ZNF516: variants seen among roughly 807,000 people sequenced by gnomAD.
ZNF516 encodes zinc finger protein 516.
ZNF516 carries 19 observed loss-of-function variants against 79.7 expected under a neutral mutation model. The observed-to-expected ratio is 0.24, with a 90% CI of 0.17 to 0.35. The LOEUF is 0.35. Among genes scored for constraint, ZNF516 ranks in the 10% least tolerant of loss-of-function variants. The pLI, the probability that ZNF516 is intolerant of heterozygous loss-of-function variation, is 1.00. For missense variants in ZNF516, 1,678 were observed against 1,679.5 expected, an observed-to-expected ratio of 1.00 and a Z score of 0.02; for synonymous variants, 877 against 739.5, an observed-to-expected ratio of 1.19 and a Z score of -3.02.
intron 6 of ZNF516, among the ~76,000 whole-genome samples, chr18:76,368,639 A>G (rs2074656068): frequency 6.6e-6 from 1 of 152,160 alleles, no homozygotes. Flanking sequence ...GATAGTTGGT[A>G]TGAAGTATAA....
intron 1 of ZNF516, chr18:76,488,156 A>G: frequency 1.0e-6 from 1 of 985,386 alleles, no homozygotes; most frequent in Non-Finnish European, 1.2e-6. Flanking sequence ...CAACGGATGC[A>G]CAGCCTGACA....
chr18:76,413,435 A>G (rs2075395918), intron 3 of ZNF516, among the ~76,000 whole-genome samples: 1 of 152,124 alleles, frequency 6.6e-6, no homozygotes, highest in Non-Finnish European at 1.5e-5. Context: ...CAATCAATCA[A>G]TCGATAGAAA....
Position 76,361,265 on chromosome 18 carries a change from A to AT in ZNF516, c.*1232dup, listed in dbSNP as rs1363107764. ...ACGGCAATGGGAAAAGAAAATATTT[A>AT]TATCTGTGGAATACCATTTCAATTG... On this transcript the variant is annotated 3_prime_UTR_variant, in exon 7 of 7. Transcript: ENST00000443185. The AT allele has an allele frequency of 6.6e-6, 1 of 152,336 alleles. No homozygotes were observed. Among genetic ancestry groups the AT allele is most frequent in the East Asian group, 1.9e-4 (1 of 5,190 alleles). The allele number at this position is 152,336 out of a possible 1,614,324, so 9.4% of individuals were successfully genotyped here.
chr18:76,418,897 G>T (rs1193309003), intron 3 of ZNF516, among the ~76,000 whole-genome samples: 1 of 152,224 alleles, frequency 6.6e-6, no homozygotes, highest in East Asian at 1.9e-4. Context: ...AGCCTGAAGG[G>T]CAGAGGGTCT....
intron 3 of ZNF516, among the ~76,000 whole-genome samples, chr18:76,380,821 G>A (rs1331687636): frequency 1.3e-5 from 2 of 152,152 alleles, no homozygotes; most frequent in Admixed American, 1.3e-4. Context: ...GTCTGCCTCC[G>A]AAACCACTGG....
intron 6 of ZNF516, among the ~76,000 whole-genome samples, chr18:76,363,895 G>GT (rs752781176): frequency 7.9e-5 from 12 of 152,230 alleles, no homozygotes; most frequent in Non-Finnish European, 1.5e-4. Context: ...GTCAGGGACC[G>GT]TAAGAGGCGG....
At chr18:76,383,400 G>A (rs913094474) in intron 3 of ZNF516, among the ~76,000 whole-genome samples, 2 of 148,926 alleles carry the variant, frequency 1.3e-5, no homozygotes, top group African/African-American at 5.0e-5. Context: ...CTCAGCCAGG[G>A]ACCCAGGACC....
chr18:76,441,630 C>A lies in ZNF516; in HGVS notation c.1425G>T (p.Gly475=), dbSNP rs1217555629. 5 of 1,522,348 alleles carry A rather than the reference C, an allele frequency of 3.3e-6. No individual in the cohort carries two copies. Among genetic ancestry groups the A allele is most frequent in the Non-Finnish European group, 4.4e-6 (5 of 1,135,180 alleles). The allele number at this position is 1,522,348 out of a possible 1,614,324, so 94.3% of individuals were successfully genotyped here. A position where few individuals can be genotyped will look rare whatever the true frequency, so the allele number is the denominator to read the frequency against. The change falls in exon 3 of 7, where the codon GGG becomes GGT. Residue 475 remains glycine, a synonymous_variant. Coordinates refer to ENST00000443185, the MANE Select transcript of ZNF516 (RefSeq NM_014643.4). The part of the protein sequence containing the change: ...KREQDAPAAQ[G]PPRKRASGPG... ...GCCCGCTCGCGCGCTTCCGCGGGGG[C>A]CCCTGCGCGGCTGGTGCATCCTGCT...
At chr18:76,398,055 T>C (rs1462115708) in intron 3 of ZNF516, among the ~76,000 whole-genome samples, 3 of 152,222 alleles carry the variant, frequency 2.0e-5, no homozygotes, top group Non-Finnish European at 4.4e-5. Context: ...CAGCTTTCGG[T>C]TAAACAGCAG....
intron 3 of ZNF516, among the ~76,000 whole-genome samples, chr18:76,421,673 C>T (rs1393542529): frequency 6.6e-6 from 1 of 152,216 alleles, no homozygotes; most frequent in African/African-American, 2.4e-5. Context: ...GGGTGAACAA[C>T]ATCCCAAAAT....
upstream of ZNF516, chr18:76,495,278 ACGCGCGAGGGCGCGCGGGG>A (rs1915437052): frequency 7.0e-6 from 1 of 143,700 alleles, no homozygotes; most frequent in Non-Finnish European, 1.5e-5. Flanking sequence ...GGCGCGGGGG[ACGCGCGAGGGCGCGCGGGG>A]CCCGCCACGC....
At chr18:76,401,617 CCCT>C (rs2075224269) in intron 3 of ZNF516, among the ~76,000 whole-genome samples, 1 of 151,662 alleles carries the variant, frequency 6.6e-6, no homozygotes, top group African/African-American at 2.4e-5. Context: ...CCGCATGGGC[CCCT>C]ATGTGGCCCC....
chr18:76,383,782 G>A (rs941474877), intron 3 of ZNF516, among the ~76,000 whole-genome samples: 3 of 152,354 alleles, frequency 2.0e-5, no homozygotes, highest in Middle Eastern at 3.4e-3. Flanking sequence ...ACAGAGAGGC[G>A]CAGGCCCAAG....
chr18:76,448,767 T>G (rs1912219427), intron 2 of ZNF516, among the ~76,000 whole-genome samples: 1 of 152,020 alleles, frequency 6.6e-6, no homozygotes, highest in South Asian at 2.1e-4. Flanking sequence ...AGGCCTCGTA[T>G]CAGGAGCCAG....
At chr18:76,437,102 A>ACACACACACACACC (rs1432303933) in intron 3 of ZNF516, among the ~76,000 whole-genome samples, 1 of 151,038 alleles carries the variant, frequency 6.6e-6, no homozygotes, top group African/African-American at 2.5e-5. Context: ...ACACACACAT[A>ACACACACACACACC]CCGTCTCTCA....
Position 76,379,589 on chromosome 18 carries a change from C to G in ZNF516, c.2525G>C (p.Gly842Ala). The change falls in exon 4 of 7, where the codon GGG (glycine) becomes GCG (alanine). Residue 842 changes from glycine to alanine, a missense_variant. Coordinates refer to ENST00000443185, the MANE Select transcript of ZNF516 (RefSeq NM_014643.4). The stretch of plus-strand genomic sequence containing the variant: ...GCCACTTTTGGACCCCGGCATCCCC[C>G]CTGGCACCTGAGTGCGGGTGAACCG... ...LARFTRTQVP[G>A]GMPGSKSGSS... The G allele has an allele frequency of 6.2e-7, 1 of 1,613,672 alleles. No homozygotes were observed. The highest frequency in any genetic ancestry group is 1.3e-5 in the African/African-American group (1 of 75,078).
At chr18:76,495,612 G>A, upstream of ZNF516, 1 of 496,208 alleles carries the variant, frequency 2.0e-6, no homozygotes, top group Non-Finnish European at 3.0e-6. Flanking sequence ...AGCGGCCAGT[G>A]GTCGCCCCTC....
chr18:76,431,268 CAA>C (rs954741309), intron 3 of ZNF516, among the ~76,000 whole-genome samples: 1 of 152,004 alleles, frequency 6.6e-6, no homozygotes, highest in Non-Finnish European at 1.5e-5. Flanking sequence ...CACACACACA[CAA>C]AAACACTTAT....
At chr18:76,363,183 T>G (rs1420448995) in intron 6 of ZNF516, among the ~76,000 whole-genome samples, 2 of 152,136 alleles carry the variant, frequency 1.3e-5, no homozygotes, top group African/African-American at 4.8e-5. Context: ...TCCAATGACA[T>G]TTGAAGCATC....
Sources: gnomAD v4.1 joint callset for allele counts (sites outside exome capture counted in the v4.1 genomes callset) on GRCh38, gnomAD v4.1.1 for gene constraint, MANE v1.5 for transcripts, NCBI Gene and HGNC (gene_info 2026-07-23, HGNC 2026-07-21) for gene names.